Variants in CDYL2 observed in about 807,000 individuals in gnomAD.
CDYL2 encodes the protein chromodomain Y like 2.
CDYL2 carries 23 observed loss-of-function variants against 49.4 expected under a neutral mutation model. The ratio of observed to expected loss-of-function variants is 0.47; its 90% CI spans 0.34 to 0.66. CDYL2 has a LOEUF of 0.66. Among genes scored for constraint, CDYL2 ranks in the 30% least tolerant of loss-of-function variants. The pLI, the probability that CDYL2 is intolerant of heterozygous loss-of-function variation, is 0.01. For synonymous variants in CDYL2, 360 were observed against 268.8 expected, an observed-to-expected ratio of 1.34 and a Z score of -3.32; for missense variants, 678 against 656.4, an observed-to-expected ratio of 1.03 and a Z score of -0.36.
At position 80,786,922 on chromosome 16, in the gene CDYL2, G is replaced by T. The variant is rs572961102; in HGVS notation, c.24+17228C>A. Among the ~76,000 whole-genome samples, 14 of 152,174 alleles carry T rather than the reference G, an allele frequency of 9.2e-5. No homozygotes were observed. In the South Asian group the frequency reaches 1.7e-3, roughly 18 times the overall value. Reference sequence around the variant, plus strand: ...ACATCACACACCAGGGCCTGTGGGGGGTGGGGGGCTAGGGGAGGGATAACA... The same window carrying T: ...ACATCACACACCAGGGCCTGTGGGGTGTGGGGGGCTAGGGGAGGGATAACA... On this transcript the variant is annotated intron_variant, in intron 1 of 6. Transcript: ENST00000570137.
chr16:80,612,977 G>A lies in CDYL2; in HGVS notation c.1008-141C>T, dbSNP rs564534291. On this transcript the variant is annotated intron_variant, in intron 4 of 6. Transcript: ENST00000570137. The surrounding 1 kb of genome is among the most constrained non-coding windows in gnomAD (Gnocchi z 5.0). ...GTGCCAGGCAAGGGCCTCATTGCCT[G>A]GACATGGAACCACCAGCTGTCAGAT... is the stretch of plus-strand genomic sequence containing the variant. 4.5e-5 allele frequency: 31 copies of A among 684,794 alleles called. No homozygotes were observed. Among genetic ancestry groups the A allele is most frequent in the Middle Eastern group, 4.0e-4 (1 of 2,476 alleles). The allele number at this position is 684,794 out of a possible 1,614,324, so 42.4% of individuals were successfully genotyped here. A position where few individuals can be genotyped will look rare whatever the true frequency, so the allele number is the denominator to read the frequency against.
chr16:80,642,271 C>T (rs1644515543), intron 2 of CDYL2, among the ~76,000 whole-genome samples: 1 of 151,970 alleles, frequency 6.6e-6, no homozygotes, highest in Non-Finnish European at 1.5e-5. Flanking sequence ...GATGAAACCC[C>T]ATCTCTACTA....
At chr16:80,621,890 T>C (rs548325847) in intron 3 of CDYL2, among the ~76,000 whole-genome samples, 1 of 152,186 alleles carries the variant, frequency 6.6e-6, no homozygotes, top group East Asian at 1.9e-4. Flanking sequence ...CCTCGGTAAG[T>C]GGTAAGACCA....
chr16:80,625,646 C>A (rs1907267543), intron 3 of CDYL2, among the ~76,000 whole-genome samples: 2 of 152,116 alleles, frequency 1.3e-5, no homozygotes, highest in African/African-American at 4.8e-5. Context: ...TACACGCAAG[C>A]ACAGACATAT....
At chr16:80,730,076 G>C (rs1452655948) in intron 1 of CDYL2, among the ~76,000 whole-genome samples, 2 of 152,164 alleles carry the variant, frequency 1.3e-5, no homozygotes, top group African/African-American at 4.8e-5. Context: ...TCAAAAGCTA[G>C]CAGAAGGCAA....
intron 3 of CDYL2, among the ~76,000 whole-genome samples, chr16:80,630,456 T>C (rs1173883940): frequency 1.3e-5 from 2 of 152,162 alleles, no homozygotes; most frequent in Admixed American, 6.5e-5. Context: ...TTTTAGAAAG[T>C]AGTGAAGTAG....
intron 2 of CDYL2, among the ~76,000 whole-genome samples, chr16:80,649,019 G>C (rs1434061399): frequency 1.3e-5 from 2 of 151,938 alleles, no homozygotes; most frequent in African/African-American, 2.4e-5. Context: ...ACATATAACA[G>C]AACAGCTAGT....
At chr16:80,732,085 T>C (rs768787276) in intron 1 of CDYL2, among the ~76,000 whole-genome samples, 6 of 152,126 alleles carry the variant, frequency 3.9e-5, no homozygotes, top group Non-Finnish European at 7.4e-5. Context: ...CAGAATTAAA[T>C]AGACAGTCAT....
rs11859962 is a variant in CDYL2 at position 80,783,176 on chromosome 16, A to C, written c.24+20974T>G. Among the ~76,000 whole-genome samples the C allele has an allele frequency of 3.8e-3, 585 of 152,324 alleles. 8 individuals are homozygous for C. Among genetic ancestry groups the C allele is most frequent in the African/African-American group, 0.013 (550 of 41,588 alleles). On this transcript the variant is annotated intron_variant, in intron 1 of 6. Coordinates refer to ENST00000570137, the MANE Select transcript of CDYL2 (RefSeq NM_152342.4). ...AACTCAACAATTCAACAACAAAAAA[A>C]CAAACACCTCAATTTGAAACTAGGC...
At chr16:80,671,569 T>C (rs1447813172) in intron 2 of CDYL2, among the ~76,000 whole-genome samples, 1 of 152,156 alleles carries the variant, frequency 6.6e-6, no homozygotes, top group Non-Finnish European at 1.5e-5. Context: ...CCATACCTCT[T>C]CCCTGTGTAT....
In CDYL2 at chr16:80,612,403, T is replaced by C. The variant is rs1164420874; in HGVS notation, c.1218+223A>G. The stretch of plus-strand genomic sequence containing the variant: ...TTCAGGGGGTTGGAGTGAGGAATAA[T>C]TGAGACGCCATGCAGAGTGCATGGT... On this transcript the variant is annotated intron_variant, in intron 5 of 6. Transcript: ENST00000570137. The surrounding 1 kb of genome is among the most constrained non-coding windows in gnomAD (Gnocchi z 5.0). 6.6e-6 allele frequency among the ~76,000 whole-genome samples: 1 copy of C among 152,100 alleles called. No homozygotes were observed. The highest frequency in any genetic ancestry group is 1.5e-5 in the Non-Finnish European group (1 of 68,012).
rs1322252615 is a variant in CDYL2 at position 80,608,033 on chromosome 16, C to G, written c.1362+59G>C. On this transcript the variant is annotated intron_variant, in intron 6 of 6. Coordinates refer to ENST00000570137, the MANE Select transcript of CDYL2 (RefSeq NM_152342.4). ...AGTGAAGCCCTCTGAGCCTTGCTGT[C>G]TTCATGTGTAAAATGGGTCTATCAA... 7 of 1,504,462 alleles carry G rather than the reference C, an allele frequency of 4.7e-6. No individual in the cohort carries two copies. In the East Asian group the frequency reaches 1.5e-4, roughly 32 times the overall value. The allele number at this position is 1,504,462 out of a possible 1,614,324, so 93.2% of individuals were successfully genotyped here. A position where few individuals can be genotyped will look rare whatever the true frequency, so the allele number is the denominator to read the frequency against.
chr16:80,749,942 G>A (rs1328279279), intron 1 of CDYL2, among the ~76,000 whole-genome samples: 1 of 152,060 alleles, frequency 6.6e-6, no homozygotes, highest in African/African-American at 2.4e-5. Context: ...GTAGGGACAT[G>A]GATGAAGCTG....
intron 1 of CDYL2, among the ~76,000 whole-genome samples, chr16:80,691,425 A>G (rs1037849113): frequency 6.6e-6 from 1 of 152,176 alleles, no homozygotes; most frequent in Admixed American, 6.5e-5. Flanking sequence ...TACACAAGGG[A>G]AATGGCTGTC....
chr16:80,681,329 G>C (rs1909958650), intron 2 of CDYL2, among the ~76,000 whole-genome samples: 1 of 152,108 alleles, frequency 6.6e-6, no homozygotes, highest in Non-Finnish European at 1.5e-5. Flanking sequence ...GGATCCTTTA[G>C]TCCAGATAAG....
At chr16:80,662,060 C>T (rs1909067559) in intron 2 of CDYL2, among the ~76,000 whole-genome samples, 1 of 152,190 alleles carries the variant, frequency 6.6e-6, no homozygotes, top group South Asian at 2.1e-4. Context: ...ACCTCACTCA[C>T]AGATCATGAA....
intron 1 of CDYL2, among the ~76,000 whole-genome samples, chr16:80,698,643 G>A (rs979811111): frequency 3.9e-5 from 6 of 152,066 alleles, no homozygotes; most frequent in African/African-American, 1.4e-4. Flanking sequence ...GTACTGTATA[G>A]TAAGTTCTCA....
intron 1 of CDYL2, among the ~76,000 whole-genome samples, chr16:80,692,455 T>G (rs568873197): frequency 2.6e-4 from 39 of 152,288 alleles, no homozygotes; most frequent in Non-Finnish European, 4.6e-4. Flanking sequence ...AAATAGGAAC[T>G]GCCCATTTAA....
At position 80,700,779 on chromosome 16, in the gene CDYL2, C is replaced by G. The variant is rs147004804; in HGVS notation, c.25-15650G>C. Among the ~76,000 whole-genome samples, 552 of 152,360 alleles carry G rather than the reference C, an allele frequency of 3.6e-3. 5 individuals carry two copies. Among genetic ancestry groups the G allele is most frequent in the African/African-American group, 0.013 (529 of 41,580 alleles). On this transcript the variant is annotated intron_variant, in intron 1 of 6. Transcript: ENST00000570137. Reference sequence around the variant, plus strand: ...ATGTACAACCTTCTCTCCTCCTCCTCCCACACATAGTACATAGGTTCACAT... The same window carrying G: ...ATGTACAACCTTCTCTCCTCCTCCTGCCACACATAGTACATAGGTTCACAT...
Sources: gnomAD v4.1 joint callset for allele counts (sites outside exome capture counted in the v4.1 genomes callset) on GRCh38, gnomAD v4.1.1 for gene constraint, Gnocchi (gnomAD v3.1) non-coding constraint, MANE v1.5 for transcripts, NCBI Gene and HGNC (gene_info 2026-07-23, HGNC 2026-07-21) for gene names.